LBR: variants seen among roughly 807,000 people sequenced by gnomAD.
LBR encodes the protein delta(14)-sterol reductase LBR.
Under a neutral mutation model 74.3 loss-of-function variants are expected in LBR, and 28 were observed. The observed-to-expected ratio is 0.38, with a 90% CI of 0.28 to 0.52. LBR has a LOEUF of 0.52. Ranked by LOEUF, LBR falls within the 20% of genes least tolerant of loss-of-function variation. LBR has a pLI of 0.89. For synonymous variants in LBR, 228 were observed against 269.3 expected, an observed-to-expected ratio of 0.85 and a Z score of 1.50; for missense variants, 717 against 760.3, an observed-to-expected ratio of 0.94 and a Z score of 0.67.
At position 225,404,423 on chromosome 1, in the gene LBR, C is replaced by A. The variant is rs764727862; in HGVS notation, c.1668G>T (p.Leu556Phe). 46 of 1,613,984 alleles carry A rather than the reference C, an allele frequency of 2.9e-5. No homozygotes were observed. The South Asian group carries it at 4.8e-4, about 17-fold the overall frequency. The change falls in exon 13 of 14, where the codon TTG (leucine) becomes TTT (phenylalanine). Residue 556 changes from leucine to phenylalanine, a missense_variant. Physicochemically the swap from Leu to Phe is conservative, Grantham distance 22 (BLOSUM62 0). Transcript: ENST00000272163. ...GCTTACCACATGGGAGGGACCACGC[C>A]AAGGCCATGATGAGATCACCCAAGT... is the stretch of plus-strand genomic sequence containing the variant. The part of the protein sequence containing the change: ...PNYLGDLIMA[L>F]AWSLPCGFNH...
chr1:225,428,689 G>C (rs1385173711), upstream of LBR: 1 of 152,166 alleles, frequency 6.6e-6, no homozygotes, highest in Non-Finnish European at 1.5e-5. Context: ...GAATGGCCGA[G>C]GGCTCCTACG....
Position 225,419,760 on chromosome 1 carries a change from C to T in LBR, c.405G>A (p.Glu135=), listed in dbSNP as rs1485232908. 2.5e-6 allele frequency: 4 copies of T among 1,612,646 alleles called. No homozygotes were observed. In the Admixed American group the frequency reaches 5.0e-5, roughly 20 times the overall value. ...FGNSISRYNG[E]PEHIERNDAP... ...CGTCATTTCTCTCAATATGCTCAGG[C>T]TCCCCATTATATCTGCTGATGCTAT... The change falls in exon 4 of 14, where the codon GAG becomes GAA. Residue 135 remains glutamate, a synonymous_variant. Transcript: ENST00000272163.
In LBR at chr1:225,422,374, C is replaced by T. The variant is rs888162666; in HGVS notation, c.166-97G>A. ...AGGATAACAAAGGCAGGAACTGCTA[C>T]CATTAACTCTAAAATCAGCACGGGA... On this transcript the variant is annotated intron_variant, in intron 2 of 13. Coordinates refer to ENST00000272163, the MANE Select transcript of LBR (RefSeq NM_002296.4). The T allele has an allele frequency of 1.2e-5, 11 of 935,958 alleles. No individual in the cohort carries two copies. The Admixed American group carries it at 1.6e-4, about 14-fold the overall frequency. 58.0% of individuals were successfully genotyped at this position (935,958 alleles called of 1,614,324 possible).
chr1:225,417,711 C>A, intron 6 of LBR: 1 of 318,170 alleles, frequency 3.1e-6, no homozygotes, highest in Non-Finnish European at 5.9e-6. Context: ...AAATCTCAAT[C>A]AGATTTTTTT....
At chr1:225,422,477 T>C in intron 2 of LBR, 200 bp from the exon 3 acceptor site, 1 of 604,994 alleles carries the variant, frequency 1.7e-6, no homozygotes, top group Non-Finnish European at 3.0e-6. Context: ...ATGAGACAAA[T>C]GCAGCCTTTC....
intron 11 of LBR, 57 bp from the exon 12 acceptor site, chr1:225,404,763 T>C: frequency 2.5e-6 from 3 of 1,177,818 alleles, no homozygotes; most frequent in Non-Finnish European, 2.5e-6. Context: ...TAATGCTTAA[T>C]AGCATCTGTA....
chr1:225,408,922 AG>A (rs1447536749), intron 10 of LBR, among the ~76,000 whole-genome samples: 1 of 152,268 alleles, frequency 6.6e-6, no homozygotes. Flanking sequence ...AGAAACCAGA[AG>A]AAATAATCAC....
intron 11 of LBR, among the ~76,000 whole-genome samples, chr1:225,406,030 G>A (rs2096090858): frequency 6.6e-6 from 1 of 152,144 alleles, no homozygotes; most frequent in South Asian, 2.1e-4. Flanking sequence ...GACCGCAGCT[G>A]CAGCCAAACT....
At chr1:225,415,844 A>G (rs1019821984) in intron 6 of LBR, among the ~76,000 whole-genome samples, 3 of 152,126 alleles carry the variant, frequency 2.0e-5, no homozygotes, top group Admixed American at 6.5e-5. Context: ...GCTCTGCTAT[A>G]TATTATATAT....
At chr1:225,405,565 C>CCCTCCCTCACTCTCTCTTGT (rs1414751065) in intron 11 of LBR, among the ~76,000 whole-genome samples, 9 of 151,882 alleles carry the variant, frequency 5.9e-5, no homozygotes, top group African/African-American at 2.2e-4. Context: ...CTCTCTCTTG[C>CCCTCCCTCACTCTCTCTTGT]CCTCCCTCAC....
chr1:225,404,049 G>A (rs1165973004), intron 13 of LBR, among the ~76,000 whole-genome samples: 1 of 151,676 alleles, frequency 6.6e-6, no homozygotes, highest in Non-Finnish European at 1.5e-5. Flanking sequence ...CACACAAAAA[G>A]AAAAACAGAA....
intron 8 of LBR, 52 bp from the exon 9 acceptor site, chr1:225,411,492 G>T: frequency 7.5e-7 from 1 of 1,328,114 alleles, no homozygotes; most frequent in Non-Finnish European, 1.1e-6. Context: ...CAGTCAGGAG[G>T]CTTTACAACG....
Position 225,411,153 on chromosome 1 carries a change from G to A in LBR, c.1188+184C>T, listed in dbSNP as rs17557867. ...AAAGTTATTTAATTTGTCATAACCT[G>A]TAACAGGGCATCTTAAACCTCTGGA... On this transcript the variant is annotated intron_variant, in intron 9 of 13. Coordinates refer to ENST00000272163, the MANE Select transcript of LBR (RefSeq NM_002296.4). 0.087 allele frequency among the ~76,000 whole-genome samples: 13,316 copies of A among 152,192 alleles called. 811 individuals are homozygous for A. Among genetic ancestry groups the A allele is most frequent in the South Asian group, 0.25 (1,225 of 4,822 alleles).
chr1:225,414,011 C>G lies in LBR; in HGVS notation c.892+1267G>C, dbSNP rs148223568. 1,807 of 456,694 alleles carry G rather than the reference C, an allele frequency of 4.0e-3. 21 individuals carry two copies. The highest frequency in any genetic ancestry group is 0.032 in the African/African-American group (1,612 of 50,170). 28.3% of individuals were successfully genotyped at this position (456,694 alleles called of 1,614,324 possible). On this transcript the variant is annotated intron_variant, in intron 7 of 13. Coordinates refer to ENST00000272163, the MANE Select transcript of LBR (RefSeq NM_002296.4). ...ACACTGAAATCAAAGGACCTGGCGG[C>G]AAAGTCAACAACCCACCTCACCCCA...
rs967804180 is a variant in LBR, at chr1:225,407,481, G to C, written c.1315-649C>G. Among the ~76,000 whole-genome samples, 4 of 152,306 alleles carry C rather than the reference G, an allele frequency of 2.6e-5. No individual in the cohort carries two copies. The East Asian group carries it at 7.7e-4, about 29-fold the overall frequency. On this transcript the variant is annotated intron_variant, in intron 10 of 13. Transcript: ENST00000272163. ...AAATTAAGCTGCCTGGCAACATGGTGAACTGACAGCTTCGCTTCTCATGTA... is the reference window on the plus strand; with the variant it reads ...AAATTAAGCTGCCTGGCAACATGGTCAACTGACAGCTTCGCTTCTCATGTA...
intron 5 of LBR, among the ~76,000 whole-genome samples, chr1:225,419,034 TA>T (rs1442294558): frequency 1.3e-5 from 2 of 152,220 alleles, no homozygotes; most frequent in Admixed American, 1.3e-4. Flanking sequence ...CTAAAAGTTT[TA>T]AACACAGCTA....
intron 7 of LBR, chr1:225,414,309 C>A (rs997801883): frequency 2.9e-6 from 1 of 346,836 alleles, no homozygotes; most frequent in Non-Finnish European, 5.8e-6. Flanking sequence ...GTAGATGCTG[C>A]GTAAGTCTCT....
intron 10 of LBR, among the ~76,000 whole-genome samples, 155 bp from the exon 11 acceptor site, chr1:225,406,987 C>T (rs994946120): frequency 1.6e-4 from 24 of 152,178 alleles, no homozygotes; most frequent in Non-Finnish European, 2.9e-4. Context: ...TTCCCCTGGC[C>T]TGCTAGGTCT....
rs543671439 is a variant in LBR, at chr1:225,418,381, A to G, written c.641-201T>C. Among the ~76,000 whole-genome samples the G allele has an allele frequency of 2.6e-5, 4 of 152,080 alleles. No individual in the cohort carries two copies. In the East Asian group the frequency reaches 7.7e-4, roughly 29 times the overall value. On this transcript the variant is annotated intron_variant, in intron 5 of 13. Transcript: ENST00000272163. ...CATGGGCATCAAAGTAGTAAAAAAA[A>G]TAAATAAATAAAAATAAAAAAAAAA...
Sources: gnomAD v4.1 joint callset for allele counts (sites outside exome capture counted in the v4.1 genomes callset) on GRCh38, gnomAD v4.1.1 for gene constraint, MANE v1.5 for transcripts, NCBI Gene and HGNC (gene_info 2026-07-23, HGNC 2026-07-21) for gene names.